COL9A3: variants seen among roughly 807,000 people sequenced by gnomAD.
The protein encoded by COL9A3 is collagen alpha-3(IX) chain.
Under a neutral mutation model 110.2 loss-of-function variants are expected in COL9A3, and 82 were observed. The observed-to-expected ratio is 0.74, with a 90% CI of 0.62 to 0.89. COL9A3 has a LOEUF of 0.89. Ranked by LOEUF, COL9A3 falls within the 40% of genes least tolerant of loss-of-function variation. The probability of loss-of-function intolerance (pLI) is 0.00; values close to 1 mark genes in which losing one functional copy is unlikely to be tolerated. For synonymous variants in COL9A3, 494 were observed against 403.8 expected (o/e 1.22, Z -2.68); for missense variants, 1,066 against 981.3 (o/e 1.09, Z -1.15).
chr20:62,823,186 A>G (rs1247657815), intron 10 of COL9A3, among the ~76,000 whole-genome samples: 1 of 152,198 alleles, frequency 6.6e-6, no homozygotes. Context: ...AAAAATTGTT[A>G]AAGTAGCCAG....
intron 28 of COL9A3, 32 bp from the exon 29 acceptor site, chr20:62,836,446 C>T (rs2063636820): frequency 1.9e-6 from 3 of 1,613,680 alleles, no homozygotes; most frequent in Admixed American, 1.7e-5. Context: ...GCTGCCGCCC[C>T]CATGCTGACG....
rs201875281 is a variant in COL9A3, at chr20:62,828,992, G to C, written c.1008+16G>C. 1.9e-6 allele frequency: 3 copies of C among 1,590,762 alleles called. No individual in the cohort carries two copies. Among genetic ancestry groups the C allele is most frequent in the African/African-American group, 2.7e-5 (2 of 74,566 alleles). ...CGGGCTGCCGGTGAGTGCCCGGCGG[G>C]TGGGGCCAGCCTGGGGCGCCACAGC... On this transcript the variant is annotated intron_variant, in intron 19 of 31. Transcript: ENST00000649368.
chr20:62,834,937 C>T (rs2063623986), intron 26 of COL9A3, among the ~76,000 whole-genome samples: 1 of 152,238 alleles, frequency 6.6e-6, no homozygotes, highest in South Asian at 2.1e-4. Context: ...CCTCGCCCAG[C>T]CCATTTAGTG....
Position 62,830,585 on chromosome 20 carries a change from C to G in COL9A3, c.1284C>G (p.Asp428Glu). Residue 428 changes from aspartate (D) to glutamate (E), a missense_variant, in exon 24 of 32, where the codon GAC (aspartate) becomes GAG (glutamate). Transcript: ENST00000649368. ...AGGGCCTCCGAGGTGACGTGGGCGA[C>G]CGGGTAAGTGGCCCTCTCAGCAGGA... is the stretch of plus-strand genomic sequence containing the variant. ...GPQGLRGDVG[D>E]RGPGGAAGPK... is the part of the protein sequence containing the mutation. 6.3e-7 allele frequency: 1 copy of G among 1,599,536 alleles called. No homozygotes were observed. The highest frequency in any genetic ancestry group is 8.5e-7 in the Non-Finnish European group (1 of 1,174,634).
intron 3 of COL9A3, among the ~76,000 whole-genome samples, chr20:62,818,788 G>A (rs1489917999): frequency 1.3e-5 from 2 of 152,116 alleles, no homozygotes; most frequent in Non-Finnish European, 1.5e-5. Context: ...TTGGACCAGC[G>A]CCAGGCAGGC....
intron 5 of COL9A3, 108 bp downstream of exon 5, chr20:62,820,090 A>G: frequency 7.5e-7 from 1 of 1,330,358 alleles, no homozygotes; most frequent in Non-Finnish European, 1.1e-6. Context: ...TTCCAAGGAC[A>G]GCTGCCCTGC....
At chr20:62,821,908 T>C (rs1432389330) in intron 8 of COL9A3, 98 bp downstream of exon 8, 3 of 800,438 alleles carry the variant, frequency 3.7e-6, no homozygotes, top group Non-Finnish European at 6.5e-6. Context: ...CCCTTTTCCC[T>C]TTCTCCCCCA....
In COL9A3 at chr20:62,836,324, G is replaced by A. The variant is rs755179859; in HGVS notation, c.1539G>A (p.Pro513=). 3.5e-5 allele frequency: 57 copies of A among 1,613,598 alleles called. No individual in the cohort carries two copies. In the Middle Eastern group the frequency reaches 4.9e-4, roughly 14 times the overall value. Residue 513 remains proline (P), a synonymous_variant, in exon 28 of 32, where the codon CCG becomes CCA. Transcript: ENST00000649368. ...VPGVPGITGK[P]GVPGKEASEQ... ...GTGTTCCTGGCATCACGGGGAAGCCGGGAGTTCCGGTACGTCGCTTTTCCG... is the reference window on the plus strand; with the variant it reads ...GTGTTCCTGGCATCACGGGGAAGCCAGGAGTTCCGGTACGTCGCTTTTCCG...
chr20:62,828,758 C>G lies in COL9A3; in HGVS notation c.901-6C>G. On this transcript the variant is annotated splice_region_variant and splice_polypyrimidine_tract_variant and intron_variant, in intron 17 of 31. Transcript: ENST00000649368. ...CCGACGGGCCTTACTCATCCCTTGT[C>G]CCCAGGGCATGCCGGGCAAGGACGG... 6.2e-7 allele frequency: 1 copy of G among 1,612,696 alleles called. No homozygotes were observed. The highest frequency in any genetic ancestry group is 1.3e-5 in the African/African-American group (1 of 75,072).
In COL9A3 at chr20:62,823,493, G is replaced by T. The variant is rs549987327; in HGVS notation, c.519+861G>T. Among the ~76,000 whole-genome samples the T allele has an allele frequency of 2.0e-5, 3 of 152,342 alleles. No individual in the cohort carries two copies. The East Asian group carries it at 5.8e-4, about 29-fold the overall frequency. Reference sequence around the variant, plus strand: ...GGCCCACTCTGACCTGACCACCGACGCTGTCTACCAGCCTCTCTCCTCACC... The same window carrying T: ...GGCCCACTCTGACCTGACCACCGACTCTGTCTACCAGCCTCTCTCCTCACC... On this transcript the variant is annotated intron_variant, in intron 10 of 31. Coordinates refer to ENST00000649368, the MANE Select transcript of COL9A3 (RefSeq NM_001853.4).
chr20:62,818,423 G>A, intron 2 of COL9A3, 95 bp from the exon 3 acceptor site: 2 of 1,225,738 alleles, frequency 1.6e-6, no homozygotes, highest in Non-Finnish European at 1.2e-6. Flanking sequence ...GGCCTCTGGG[G>A]CTGATTTGGA....
At chr20:62,838,035 TGA>T (rs1486091477) in intron 30 of COL9A3, among the ~76,000 whole-genome samples, 2 of 152,222 alleles carry the variant, frequency 1.3e-5, no homozygotes, top group Non-Finnish European at 2.9e-5. Context: ...TGCCCTTAGG[TGA>T]ACCATGGGTG....
chr20:62,817,389 G>T, intron 1 of COL9A3, 178 bp from the exon 2 acceptor site: 2 of 536,996 alleles, frequency 3.7e-6, no homozygotes, highest in Admixed American at 8.0e-5. Flanking sequence ...TCCCGCCGCC[G>T]GAGGGAGGCG....
In COL9A3 at chr20:62,837,722, T is replaced by A. The variant is rs1349450599; in HGVS notation, c.1786+457T>A. Among the ~76,000 whole-genome samples, 7 of 151,924 alleles carry A rather than the reference T, an allele frequency of 4.6e-5. No individual in the cohort carries two copies. In the East Asian group the frequency reaches 1.2e-3, roughly 25 times the overall value. On this transcript the variant is annotated intron_variant, in intron 30 of 31. Transcript: ENST00000649368. The stretch of plus-strand genomic sequence containing the variant: ...CTCAGGAGGCTGAGGCAGGAGAATC[T>A]CTTGAACCCTGAAGGCAGAGGTTGC...
rs376452997 is a variant in COL9A3 at position 62,837,424 on chromosome 20, T to G, written c.1786+159T>G. 3.9e-5 allele frequency among the ~76,000 whole-genome samples: 6 copies of G among 152,362 alleles called. 1 individual carries two copies. The highest frequency in any genetic ancestry group is 4.1e-4 in the South Asian group (2 of 4,832). ...TTGGGGCCTAGCGCAGTTAACTCCT[T>G]GGTAATCCTGTGGGAACTGGAACAT... On this transcript the variant is annotated intron_variant, in intron 30 of 31. Transcript: ENST00000649368.
rs199561122 is a variant in COL9A3 at position 62,829,601 on chromosome 20, G to T, written c.1054-27G>T. On this transcript the variant is annotated intron_variant, in intron 20 of 31. Coordinates refer to ENST00000649368, the MANE Select transcript of COL9A3 (RefSeq NM_001853.4). Reference sequence around the variant, plus strand: ...CTGGCCCCAGTGCAGGTGTAGGCAGGCACTCACAGCTCTCCTTCCTCTACA... The same window carrying T: ...CTGGCCCCAGTGCAGGTGTAGGCAGTCACTCACAGCTCTCCTTCCTCTACA... 1.3e-4 allele frequency: 206 copies of T among 1,610,138 alleles called. 1 individual carries two copies. The highest frequency in any genetic ancestry group is 1.2e-3 in the African/African-American group (87 of 75,028).
chr20:62,825,950 G>T, intron 13 of COL9A3, 80 bp downstream of exon 13: 1 of 1,448,766 alleles, frequency 6.9e-7, no homozygotes, highest in South Asian at 1.2e-5. Flanking sequence ...ATCTACCCCC[G>T]AGGGGGCCAG....
chr20:62,827,018 C>T (rs1336406739), intron 15 of COL9A3, among the ~76,000 whole-genome samples, 198 bp downstream of exon 15: 2 of 152,168 alleles, frequency 1.3e-5, no homozygotes, highest in Non-Finnish European at 2.9e-5. Flanking sequence ...CATTCGCCTC[C>T]TTTCTGGTTC....
rs371365428 is a variant in COL9A3, at chr20:62,835,774, T to G, written c.1369-147T>G. 11 of 813,902 alleles carry G rather than the reference T, an allele frequency of 1.4e-5. No homozygotes were observed. The East Asian group carries it at 2.3e-4, about 17-fold the overall frequency. The allele number at this position is 813,902 out of a possible 1,614,324, so 50.4% of individuals were successfully genotyped here. A position where few individuals can be genotyped will look rare whatever the true frequency, so the allele number is the denominator to read the frequency against. ...ATCACAGAAATATAAAAAATGTATA[T>G]AGAAGAACGGAAGGAACCACTGTCA... On this transcript the variant is annotated intron_variant, in intron 26 of 31. Transcript: ENST00000649368.
Sources: gnomAD v4.1 joint callset for allele counts (sites outside exome capture counted in the v4.1 genomes callset) on GRCh38, gnomAD v4.1.1 for gene constraint, MANE v1.5 for transcripts, NCBI Gene and HGNC (gene_info 2026-07-23, HGNC 2026-07-21) for gene names.